The following GPR158 variants were observed in gnomAD, a reference collection of about 807,000 sequenced individuals.
GPR158 encodes metabotropic glycine receptor.
Under a neutral mutation model 78.2 loss-of-function variants are expected in GPR158, and 30 were observed. That is an observed-to-expected ratio of 0.38 (90% confidence interval 0.29 to 0.52). The LOEUF is 0.52. Ranked by LOEUF, GPR158 falls within the 20% of genes least tolerant of loss-of-function variation. The pLI, the probability that GPR158 is intolerant of heterozygous loss-of-function variation, is 0.83. For missense variants in GPR158, 1,463 were observed against 1,523.5 expected (o/e 0.96, Z 0.66); for synonymous variants, 581 against 591.1 (o/e 0.98, Z 0.25).
At chr10:25,475,734 G>T (rs1014339980) in intron 5 of GPR158, 3 of 152,020 alleles carry the variant, frequency 2.0e-5, no homozygotes, top group Non-Finnish European at 4.4e-5. Flanking sequence ...CCTACTTTCT[G>T]TGTTCCTGGT....
rs1564465668 is a variant in GPR158 at position 25,474,912 on chromosome 10, A to AAAAAAAG, written c.1404+8193_1404+8194insAAAAAAG. 2.6e-3 allele frequency among the ~76,000 whole-genome samples: 392 copies of AAAAAAAG among 152,254 alleles called. 2 individuals are homozygous for AAAAAAAG. The highest frequency in any genetic ancestry group is 9.0e-3 in the African/African-American group (375 of 41,558). On this transcript the variant is annotated intron_variant, in intron 5 of 10. Coordinates refer to ENST00000376351, the MANE Select transcript of GPR158 (RefSeq NM_020752.3). ...TAGCATCTGCAGTTAGGCAATAAAAACACTTTCTCATGTTATTTTTGGGAC... is the reference window on the plus strand; with the variant it reads ...TAGCATCTGCAGTTAGGCAATAAAAAAAAAAAGCACTTTCTCATGTTATTTTTGGGAC...
chr10:25,277,633 A>G (rs924434648), intron 2 of GPR158, among the ~76,000 whole-genome samples: 1 of 152,192 alleles, frequency 6.6e-6, no homozygotes, highest in African/African-American at 2.4e-5. Context: ...TGCTGGTATG[A>G]GAGTTTGTCA....
intron 2 of GPR158, among the ~76,000 whole-genome samples, chr10:25,394,734 C>A (rs1431976869): frequency 6.6e-6 from 1 of 152,120 alleles, no homozygotes; most frequent in Non-Finnish European, 1.5e-5. Flanking sequence ...TCAGAGATTT[C>A]TTGCTGCATC....
chr10:25,390,944 G>A (rs1263543518), intron 2 of GPR158, among the ~76,000 whole-genome samples: 2 of 152,194 alleles, frequency 1.3e-5, no homozygotes, highest in Non-Finnish European at 2.9e-5. Flanking sequence ...CCCCTGCTTT[G>A]TGCAGTCTTA....
chr10:25,206,996 G>A (rs964822730), intron 1 of GPR158, among the ~76,000 whole-genome samples: 3 of 151,532 alleles, frequency 2.0e-5, no homozygotes, highest in African/African-American at 2.4e-5. Flanking sequence ...CAAGTCCCAC[G>A]GGGGAAATGC....
chr10:25,332,116 G>A (rs518751), intron 2 of GPR158, among the ~76,000 whole-genome samples: 3 of 146,582 alleles, frequency 2.0e-5, no homozygotes, highest in South Asian at 4.2e-4. Flanking sequence ...AAATCACCTG[G>A]GGGGGGGCGA....
rs1010601770 is a variant in GPR158 at position 25,202,258 on chromosome 10, A to AT, written c.903-18785dup. Among the ~76,000 whole-genome samples the AT allele has an allele frequency of 1.1e-4, 17 of 150,560 alleles. 1 individual carries two copies. Among genetic ancestry groups the AT allele is most frequent in the South Asian group, 6.3e-4 (3 of 4,742 alleles). On this transcript the variant is annotated intron_variant, in intron 1 of 10. Transcript: ENST00000376351. ...GCTGTATGTCTCTAGGAATTTATCCATTTTTTTTTATACTTTAAGTTCTAG... is the reference window on the plus strand; with the variant it reads ...GCTGTATGTCTCTAGGAATTTATCCATTTTTTTTTTATACTTTAAGTTCTAG...
chr10:25,536,893 C>G (rs1171124052), intron 5 of GPR158, among the ~76,000 whole-genome samples: 1 of 152,178 alleles, frequency 6.6e-6, no homozygotes. Context: ...GGCCTCACCA[C>G]AAACCTACTG....
intron 2 of GPR158, among the ~76,000 whole-genome samples, chr10:25,395,110 A>G (rs578048304): frequency 1.3e-5 from 2 of 152,282 alleles, no homozygotes; most frequent in Admixed American, 1.3e-4. Context: ...ATGTAATTAA[A>G]TGTAGCAAAA....
rs773988207 is a variant in GPR158, at chr10:25,396,011, G to T, written c.1109G>T (p.Arg370Leu). 6.8e-7 allele frequency: 1 copy of T among 1,477,314 alleles called. No homozygotes were observed. The highest frequency in any genetic ancestry group is 9.5e-7 in the Non-Finnish European group (1 of 1,055,632). 91.5% of individuals were successfully genotyped at this position (1,477,314 alleles called of 1,614,324 possible). A position where few individuals can be genotyped will look rare whatever the true frequency, so the allele number is the denominator to read the frequency against. ...GGAGTCTTACCAGTGAACAACTTTCGGAGTAAGTGCCCTTTGTTTCTATGT... is the reference window on the plus strand; with the variant it reads ...GGAGTCTTACCAGTGAACAACTTTCTGAGTAAGTGCCCTTTGTTTCTATGT... ...HPGVLPVNNF[R>L]RRGPDQHISG... Residue 370 changes from arginine (R) to leucine (L), a missense_variant and splice_region_variant, in exon 3 of 11, where the codon CGG becomes CTG. Coordinates refer to ENST00000376351, the MANE Select transcript of GPR158 (RefSeq NM_020752.3).
chr10:25,445,739 AG>A (rs1835131377), intron 4 of GPR158, among the ~76,000 whole-genome samples: 1 of 152,016 alleles, frequency 6.6e-6, no homozygotes, highest in Non-Finnish European at 1.5e-5. Flanking sequence ...GGCGAGAGAG[AG>A]AGAGGAGAGA....
At chr10:25,565,109 C>T (rs1435249364) in intron 6 of GPR158, among the ~76,000 whole-genome samples, 1 of 152,158 alleles carries the variant, frequency 6.6e-6, no homozygotes, top group East Asian at 1.9e-4. Context: ...CCTGCTTCTT[C>T]GAGTTTCTGG....
At chr10:25,205,464 ATTTTTCT>A (rs914018590) in intron 1 of GPR158, among the ~76,000 whole-genome samples, 5 of 149,046 alleles carry the variant, frequency 3.4e-5, no homozygotes, top group African/African-American at 9.9e-5. Context: ...GTCCCTTTTT[ATTTTTCT>A]TTTTTCTTTT....
At chr10:25,473,684 A>G (rs900927343) in intron 5 of GPR158, among the ~76,000 whole-genome samples, 9 of 152,114 alleles carry the variant, frequency 5.9e-5, no homozygotes, top group Non-Finnish European at 1.5e-5. Context: ...TAGTCTCAGT[A>G]GAGTGTATGT....
chr10:25,323,713 T>A (rs1854989046), intron 2 of GPR158, among the ~76,000 whole-genome samples: 1 of 151,576 alleles, frequency 6.6e-6, no homozygotes, highest in Non-Finnish European at 1.5e-5. Context: ...AGACAGGTTC[T>A]TTCTATGTTG....
chr10:25,340,161 G>C (rs1374794133), intron 2 of GPR158, among the ~76,000 whole-genome samples: 1 of 151,982 alleles, frequency 6.6e-6, no homozygotes, highest in Non-Finnish European at 1.5e-5. Flanking sequence ...TCTTCCCTCA[G>C]GATCTTGGAT....
chr10:25,593,078 A>C (rs376654688), intron 8 of GPR158, among the ~76,000 whole-genome samples: 10 of 151,904 alleles, frequency 6.6e-5, no homozygotes, highest in African/African-American at 2.2e-4. Context: ...GTTTAATGAA[A>C]CGTGAGCTAT....
rs186059514 is a variant in GPR158, at chr10:25,329,035, T to C, written c.1009-66876T>C. On this transcript the variant is annotated intron_variant, in intron 2 of 10. Transcript: ENST00000376351. ...GTATATGATTACTTTCCATTTACTA[T>C]TCCTAGCTAACTGGAAATGTTCCAG... 3.3e-3 allele frequency among the ~76,000 whole-genome samples: 504 copies of C among 152,222 alleles called. 3 individuals carry two copies. The highest frequency in any genetic ancestry group is 0.011 in the African/African-American group (466 of 41,540).
At chr10:25,457,077 A>G (rs563391118) in intron 4 of GPR158, among the ~76,000 whole-genome samples, 1 of 148,854 alleles carries the variant, frequency 6.7e-6, no homozygotes, top group South Asian at 2.1e-4. Context: ...GGTTCAAGCA[A>G]TTCTCCTGCC....
Sources: allele counts gnomAD v4.1 joint callset (sites outside exome capture counted in the v4.1 genomes callset), GRCh38; gene constraint gnomAD v4.1.1; transcripts MANE v1.5; gene names NCBI Gene and HGNC (gene_info 2026-07-23, HGNC 2026-07-21).